The following LDB2 variants were observed in gnomAD, a reference collection of about 807,000 sequenced individuals.
The protein encoded by LDB2 is LIM domain binding 2.
Under a neutral mutation model 44.3 loss-of-function variants are expected in LDB2, and 12 were observed. The observed-to-expected ratio is 0.27, with a 90% CI of 0.17 to 0.44. The LOEUF is 0.44. Ranked by LOEUF, LDB2 falls within the 20% of genes least tolerant of loss-of-function variation. The pLI is 1.00. For synonymous variants in LDB2, 164 were observed against 174.8 expected, an observed-to-expected ratio of 0.94 and a Z score of 0.49; for missense variants, 344 against 473.5, an observed-to-expected ratio of 0.73 and a Z score of 2.54.
chr4:16,668,714 C>G (rs1174731970), intron 2 of LDB2, among the ~76,000 whole-genome samples: 1 of 152,190 alleles, frequency 6.6e-6, no homozygotes, highest in African/African-American at 2.4e-5. Context: ...TAAATCAAAA[C>G]AACCTCAGCA....
intron 2 of LDB2, among the ~76,000 whole-genome samples, chr4:16,632,270 T>A (rs1304789389): frequency 6.6e-6 from 1 of 152,230 alleles, no homozygotes; most frequent in Non-Finnish European, 1.5e-5. Flanking sequence ...GATGCAAGGC[T>A]GGTTCAACAT....
chr4:16,578,718 A>G (rs572328200), intron 5 of LDB2, among the ~76,000 whole-genome samples: 163 of 152,328 alleles, frequency 1.1e-3, no homozygotes, highest in African/African-American at 3.6e-3. Flanking sequence ...AAGAAAGGAA[A>G]TCAGTATGTC....
At chr4:16,514,521 TC>T (rs1165549030) in intron 5 of LDB2, among the ~76,000 whole-genome samples, 1 of 152,206 alleles carries the variant, frequency 6.6e-6, no homozygotes, top group African/African-American at 2.4e-5. Flanking sequence ...CCTTCTTAAG[TC>T]TAAGCATGAT....
At chr4:16,827,240 G>C (rs568119143) in intron 1 of LDB2, among the ~76,000 whole-genome samples, 1 of 152,118 alleles carries the variant, frequency 6.6e-6, no homozygotes, top group Non-Finnish European at 1.5e-5. Context: ...CTCCACTCGG[G>C]GCAGCATTGC....
At chr4:16,640,420 G>T (rs889172003) in intron 2 of LDB2, among the ~76,000 whole-genome samples, 1 of 152,140 alleles carries the variant, frequency 6.6e-6, no homozygotes, top group Admixed American at 6.5e-5. Context: ...CTATTAGAGA[G>T]GCTTCAGGAA....
chr4:16,682,150 C>G (rs960735585), intron 2 of LDB2, among the ~76,000 whole-genome samples: 10 of 152,028 alleles, frequency 6.6e-5, no homozygotes, highest in Non-Finnish European at 1.3e-4. Flanking sequence ...GGATTTGAGT[C>G]TTAAATAAGT....
intron 2 of LDB2, among the ~76,000 whole-genome samples, chr4:16,754,862 A>G (rs1272554574): frequency 1.3e-5 from 2 of 152,148 alleles, no homozygotes; most frequent in Non-Finnish European, 2.9e-5. Flanking sequence ...TCACTTGCAC[A>G]TAAGAAAATG....
chr4:16,512,138 A>C (rs569263903), intron 5 of LDB2, 34 bp from the exon 6 acceptor site: 1 of 1,538,354 alleles, frequency 6.5e-7, no homozygotes, highest in South Asian at 1.2e-5. Flanking sequence ...GCATTTCACT[A>C]CTTCATAACA....
chr4:16,644,729 C>T (rs186032841), intron 2 of LDB2, among the ~76,000 whole-genome samples: 61 of 152,298 alleles, frequency 4.0e-4, no homozygotes, highest in African/African-American at 1.4e-3. Flanking sequence ...TGCACTTGGC[C>T]ATGAACCAAT....
intron 7 of LDB2, chr4:16,505,952 T>G: frequency 1.3e-6 from 2 of 1,551,682 alleles, no homozygotes; most frequent in African/African-American, 1.4e-5. Context: ...CTCCCAGGGT[T>G]GAGGCTGCAG....
chr4:16,548,900 G>C (rs1221242241), intron 5 of LDB2, among the ~76,000 whole-genome samples: 1 of 152,200 alleles, frequency 6.6e-6, no homozygotes, highest in Non-Finnish European at 1.5e-5. Flanking sequence ...TAAAGGAGAA[G>C]GAATAGGATT....
chr4:16,862,501 T>C (rs549379683), intron 1 of LDB2, among the ~76,000 whole-genome samples: 54 of 151,680 alleles, frequency 3.6e-4, no homozygotes, highest in African/African-American at 1.3e-3. Context: ...GGCGTGATAG[T>C]GGATACCTGT....
At chr4:16,766,411 CATAT>C (rs1024860768) in intron 1 of LDB2, among the ~76,000 whole-genome samples, 2 of 149,516 alleles carry the variant, frequency 1.3e-5, no homozygotes, top group Admixed American at 6.7e-5. Flanking sequence ...TATATATACA[CATAT>C]ATGTCTATAT....
intron 2 of LDB2, among the ~76,000 whole-genome samples, chr4:16,614,852 T>C (rs71603327): frequency 0.37 from 56,227 of 150,104 alleles, 10,939 homozygotes; most frequent in East Asian, 0.59. Context: ...GGGCGGATCA[T>C]GAGGTCAGGA....
chr4:16,637,299 A>ATTTTTTTTTTT (rs34484721), intron 2 of LDB2, among the ~76,000 whole-genome samples: 4 of 85,482 alleles, frequency 4.7e-5, no homozygotes, highest in Non-Finnish European at 6.0e-5. Flanking sequence ...GCCTAGGCTG[A>ATTTTTTTTTTT]TTTTTTTTTT....
intron 2 of LDB2, among the ~76,000 whole-genome samples, chr4:16,599,939 A>T (rs529645553): frequency 1.3e-5 from 2 of 152,166 alleles, no homozygotes; most frequent in Non-Finnish European, 2.9e-5. Flanking sequence ...GGTAGCAAGT[A>T]TTTAAGTATC....
chr4:16,766,375 T>C (rs1221831555), intron 1 of LDB2, among the ~76,000 whole-genome samples: 1 of 151,810 alleles, frequency 6.6e-6, no homozygotes, highest in Non-Finnish European at 1.5e-5. Context: ...CCAATTTATA[T>C]ATACACATAT....
chr4:16,627,072 C>T (rs917919956), intron 2 of LDB2: 3 of 152,212 alleles, frequency 2.0e-5, no homozygotes, highest in African/African-American at 7.2e-5. Flanking sequence ...TACCCACTCT[C>T]AACGCCTCCT....
At chr4:16,879,815 G>A (rs1200056812) in intron 1 of LDB2, among the ~76,000 whole-genome samples, 2 of 152,166 alleles carry the variant, frequency 1.3e-5, no homozygotes, top group African/African-American at 4.8e-5. Flanking sequence ...GAGTAGAGAA[G>A]TAAGGGTGTC....
Sources: gnomAD v4.1 joint callset for allele counts (sites outside exome capture counted in the v4.1 genomes callset) on GRCh38, gnomAD v4.1.1 for gene constraint, MANE v1.5 for transcripts, NCBI Gene and HGNC (gene_info 2026-07-23, HGNC 2026-07-21) for gene names.